HTR7: variants seen among roughly 807,000 people sequenced by gnomAD.
HTR7 encodes 5-hydroxytryptamine receptor 7, also known as 5-HT-7.
A neutral mutation model predicts 34.0 loss-of-function variants in HTR7; 16 were observed. That is an observed-to-expected ratio of 0.47 (90% CI 0.32 to 0.71). HTR7 has a LOEUF of 0.71. HTR7 is among the 30% of genes least tolerant of loss of function. The pLI is 0.04. For missense variants in HTR7, 504 were observed against 625.5 expected, an observed-to-expected ratio of 0.81 and a Z score of 2.07; for synonymous variants, 265 against 260.2, an observed-to-expected ratio of 1.02 and a Z score of -0.18.
At chr10:90,825,443 A>G (rs1846055697) in intron 1 of HTR7, among the ~76,000 whole-genome samples, 1 of 152,216 alleles carries the variant, frequency 6.6e-6, no homozygotes, top group African/African-American at 2.4e-5. Context: ...TCAATGCACA[A>G]ACACCAACAA....
intron 1 of HTR7, among the ~76,000 whole-genome samples, chr10:90,827,750 C>T (rs1189878033): frequency 6.6e-6 from 1 of 152,164 alleles, no homozygotes; most frequent in Admixed American, 6.5e-5. Context: ...TAGCGCTAAA[C>T]AGAGAGATAA....
intron 1 of HTR7, among the ~76,000 whole-genome samples, chr10:90,751,266 G>C (rs1439380453): frequency 6.6e-6 from 1 of 152,124 alleles, no homozygotes; most frequent in Non-Finnish European, 1.5e-5. Flanking sequence ...CGGGCAGTGC[G>C]GGGGAAAGTA....
chr10:90,785,511 C>T (rs1845367455), intron 1 of HTR7, among the ~76,000 whole-genome samples: 1 of 152,114 alleles, frequency 6.6e-6, no homozygotes, highest in Non-Finnish European at 1.5e-5. Context: ...TGCCTCCTCA[C>T]CTCCACTGCC....
intron 2 of HTR7, among the ~76,000 whole-genome samples, chr10:90,744,204 G>C (rs1353443270): frequency 6.7e-6 from 1 of 150,352 alleles, no homozygotes; most frequent in Non-Finnish European, 1.5e-5. Context: ...AGAGGCAGGG[G>C]GAGCAAAGGG....
chr10:90,791,275 G>A (rs2119881522), intron 1 of HTR7, among the ~76,000 whole-genome samples: 1 of 151,992 alleles, frequency 6.6e-6, no homozygotes, highest in African/African-American at 2.4e-5. Context: ...AATGTGGAAA[G>A]TGCCATCAAA....
chr10:90,791,915 A>G lies in HTR7; in HGVS notation c.540-42321T>C, dbSNP rs148717566. Among the ~76,000 whole-genome samples, 5 of 152,272 alleles carry G rather than the reference A, an allele frequency of 3.3e-5. No homozygotes were observed. In the East Asian group the frequency reaches 9.6e-4, roughly 29 times the overall value. ...TTTGGGATTTACCTGGGAAATCTCC[A>G]AATCTGTTTTCAGTATACTACAAAA... On this transcript the variant is annotated intron_variant, in intron 1 of 3. Transcript: ENST00000336152.
chr10:90,796,215 G>A (rs763777177), intron 1 of HTR7, among the ~76,000 whole-genome samples: 1 of 152,084 alleles, frequency 6.6e-6, no homozygotes, highest in Non-Finnish European at 1.5e-5. Context: ...ATGGCTGGGG[G>A]AATCTCAGGA....
At chr10:90,793,660 G>C (rs1173554586) in intron 1 of HTR7, among the ~76,000 whole-genome samples, 2 of 151,964 alleles carry the variant, frequency 1.3e-5, no homozygotes, top group Non-Finnish European at 2.9e-5. Context: ...ATATATGAAG[G>C]GGAGTTTATT....
chr10:90,802,136 C>T (rs551937434), intron 1 of HTR7, among the ~76,000 whole-genome samples: 112 of 152,258 alleles, frequency 7.4e-4, no homozygotes, highest in Admixed American at 1.7e-3. Flanking sequence ...AGACAAACTT[C>T]GCTGTGGGCT....
At chr10:90,773,413 C>T (rs1038534472) in intron 1 of HTR7, among the ~76,000 whole-genome samples, 10 of 152,184 alleles carry the variant, frequency 6.6e-5, no homozygotes, top group Admixed American at 2.0e-4. Flanking sequence ...ATAATCACAT[C>T]ATGGACAATG....
chr10:90,791,831 G>C (rs1256253407), intron 1 of HTR7, among the ~76,000 whole-genome samples: 1 of 151,966 alleles, frequency 6.6e-6, no homozygotes, highest in African/African-American at 2.4e-5. Flanking sequence ...TCCATTATTT[G>C]ACAGGGGTTT....
At chr10:90,766,287 T>C (rs1845023129) in intron 1 of HTR7, among the ~76,000 whole-genome samples, 1 of 152,208 alleles carries the variant, frequency 6.6e-6, no homozygotes, top group South Asian at 2.1e-4. Flanking sequence ...CTTTGTCTCT[T>C]GTGATTGTTT....
At chr10:90,778,378 G>A (rs1156312117) in intron 1 of HTR7, among the ~76,000 whole-genome samples, 1 of 152,064 alleles carries the variant, frequency 6.6e-6, no homozygotes, top group Non-Finnish European at 1.5e-5. Flanking sequence ...TATAAGAAAA[G>A]GAAGAGAGAC....
chr10:90,768,315 A>T (rs1845054034), intron 1 of HTR7, among the ~76,000 whole-genome samples: 1 of 152,174 alleles, frequency 6.6e-6, no homozygotes. Context: ...CATTATCCTC[A>T]GGTATCCAGG....
At chr10:90,818,815 G>C (rs1020221966) in intron 1 of HTR7, among the ~76,000 whole-genome samples, 1 of 152,198 alleles carries the variant, frequency 6.6e-6, no homozygotes, top group African/African-American at 2.4e-5. Context: ...AAAAGGCCTG[G>C]TGGAAGGTAA....
At position 90,742,334 on chromosome 10, in the gene HTR7, G is replaced by T; in HGVS notation, c.*148C>A. On this transcript the variant is annotated 3_prime_UTR_variant, in exon 4 of 4. Transcript: ENST00000336152. ...AAGTCACCATCTCCCTCATAAGATAGTGTGTACAACAGATCACCCTGTTTG... is the reference window on the plus strand; with the variant it reads ...AAGTCACCATCTCCCTCATAAGATATTGTGTACAACAGATCACCCTGTTTG... The T allele has an allele frequency of 1.8e-6, 1 of 567,070 alleles. No homozygotes were observed. Among genetic ancestry groups the T allele is most frequent in the Non-Finnish European group, 3.1e-6 (1 of 322,182 alleles). The allele number at this position is 567,070 out of a possible 1,614,324, so 35.1% of individuals were successfully genotyped here.
intron 2 of HTR7, among the ~76,000 whole-genome samples, chr10:90,748,307 C>T (rs2119672118): frequency 6.6e-6 from 1 of 152,240 alleles, no homozygotes; most frequent in South Asian, 2.1e-4. Flanking sequence ...GCTCTTGTAG[C>T]TTTTAAGACC....
At chr10:90,769,105 C>T (rs979441730) in intron 1 of HTR7, among the ~76,000 whole-genome samples, 3 of 152,210 alleles carry the variant, frequency 2.0e-5, no homozygotes, top group Admixed American at 2.0e-4. Context: ...AAAAGAAGAG[C>T]TTCCTCAAAT....
chr10:90,838,981 G>A (rs1042686551), intron 1 of HTR7, among the ~76,000 whole-genome samples: 10 of 152,174 alleles, frequency 6.6e-5, no homozygotes, highest in Non-Finnish European at 1.5e-4. Flanking sequence ...GAGCAAAGGT[G>A]TTATTTGCCT....
Sources: allele counts gnomAD v4.1 joint callset (sites outside exome capture counted in the v4.1 genomes callset), GRCh38; gene constraint gnomAD v4.1.1; transcripts MANE v1.5; gene names NCBI Gene and HGNC (gene_info 2026-07-23, HGNC 2026-07-21).